Variants in LYN observed in about 807,000 individuals in gnomAD.
LYN encodes tyrosine-protein kinase Lyn.
LYN carries 12 observed loss-of-function variants against 65.0 expected under a neutral mutation model. The ratio of observed to expected loss-of-function variants is 0.18; its 90% CI spans 0.12 to 0.30. The LOEUF (loss-of-function observed/expected upper bound fraction) is 0.30. LYN is among the 10% of genes least tolerant of loss of function. The pLI is 1.00. For missense variants in LYN, 380 were observed against 623.2 expected, an observed-to-expected ratio of 0.61 and a Z score of 4.16; for synonymous variants, 222 against 221.2, an observed-to-expected ratio of 1.00 and a Z score of -0.03.
At chr8:55,946,777 G>A (rs1439394107) in intron 3 of LYN, among the ~76,000 whole-genome samples, 1 of 151,920 alleles carries the variant, frequency 6.6e-6, no homozygotes, top group Non-Finnish European at 1.5e-5. Flanking sequence ...GGCAACCTCC[G>A]CTCTTTCTGT....
At chr8:55,910,206 C>T (rs1805560484) in intron 1 of LYN, among the ~76,000 whole-genome samples, 1 of 152,068 alleles carries the variant, frequency 6.6e-6, no homozygotes, top group African/African-American at 2.4e-5. Flanking sequence ...AGGTCTTAGT[C>T]ATGAATTCTT....
chr8:55,947,707 A>T lies in LYN; in HGVS notation c.268A>T (p.Met90Leu). The change falls in exon 4 of 13, where the codon ATG (methionine) becomes TTG (leucine). Residue 90 changes from methionine (M) to leucine (L), a missense_variant. Transcript: ENST00000519728. ...DDLSFKKGEKMKVLEEHGEWW... is the reference protein window; with the variant it reads ...DDLSFKKGEKLKVLEEHGEWW... ...CTTGTCTTTCAAGAAAGGAGAGAAG[A>T]TGAAAGTCCTGGAGGAGTAAGTGCT... 1.9e-6 allele frequency: 3 copies of T among 1,613,582 alleles called. No homozygotes were observed. Among genetic ancestry groups the T allele is most frequent in the Admixed American group, 1.7e-5 (1 of 60,018 alleles).
At chr8:55,915,041 A>G (rs1392223312) in intron 1 of LYN, among the ~76,000 whole-genome samples, 1 of 152,216 alleles carries the variant, frequency 6.6e-6, no homozygotes, top group African/African-American at 2.4e-5. Context: ...TTAAAACGTT[A>G]CATTTTATAA....
chr8:55,903,376 G>A (rs1387152483), intron 1 of LYN, among the ~76,000 whole-genome samples: 1 of 152,248 alleles, frequency 6.6e-6, no homozygotes, highest in Non-Finnish European at 1.5e-5. Context: ...AAAGAACAGA[G>A]AGATTCCAGT....
chr8:55,994,127 A>G (rs1360897321), intron 10 of LYN, among the ~76,000 whole-genome samples: 2 of 152,216 alleles, frequency 1.3e-5, no homozygotes, highest in Non-Finnish European at 2.9e-5. Flanking sequence ...ACCTTCAACA[A>G]CAACAAATTA....
At chr8:55,988,692 A>G (rs1181413842) in intron 10 of LYN, among the ~76,000 whole-genome samples, 7 of 152,080 alleles carry the variant, frequency 4.6e-5, no homozygotes, top group African/African-American at 1.4e-4. Flanking sequence ...CTAGATGACA[A>G]ATGTTTTCCA....
intron 10 of LYN, among the ~76,000 whole-genome samples, chr8:55,973,365 C>T (rs1807663157): frequency 6.6e-6 from 1 of 152,236 alleles, no homozygotes; most frequent in Non-Finnish European, 1.5e-5. Context: ...GAAATCCTGA[C>T]TACAGCAGCT....
chr8:56,010,586 A>T lies in LYN; in HGVS notation c.*476A>T. ...GCTTACTTGTTTAAAAAAAAAAAAA[A>T]ACTAATCCAACCTGTTAGATTTTGC... On this transcript the variant is annotated 3_prime_UTR_variant, in exon 13 of 13. Coordinates refer to ENST00000519728, the MANE Select transcript of LYN (RefSeq NM_002350.4). The T allele has an allele frequency of 4.3e-6, 1 of 232,784 alleles. No homozygotes were observed. The highest frequency in any genetic ancestry group is 8.5e-6 in the Non-Finnish European group (1 of 117,494). 14.4% of individuals were successfully genotyped at this position (232,784 alleles called of 1,614,324 possible).
At chr8:55,905,859 G>A (rs930991451) in intron 1 of LYN, among the ~76,000 whole-genome samples, 2 of 152,136 alleles carry the variant, frequency 1.3e-5, no homozygotes, top group Non-Finnish European at 2.9e-5. Context: ...CATGCAAAGA[G>A]CCCGCTCCTC....
intron 9 of LYN, among the ~76,000 whole-genome samples, chr8:55,967,693 A>C (rs1807502904): frequency 6.6e-6 from 1 of 152,172 alleles, no homozygotes; most frequent in Admixed American, 6.5e-5. Flanking sequence ...TTAAATATTA[A>C]TGTTTTTTAA....
At chr8:55,933,434 A>C (rs1055681176) in intron 1 of LYN, among the ~76,000 whole-genome samples, 1 of 152,184 alleles carries the variant, frequency 6.6e-6, no homozygotes, top group African/African-American at 2.4e-5. Flanking sequence ...TCTTGTATAG[A>C]ACTTTGTGTA....
intron 10 of LYN, among the ~76,000 whole-genome samples, chr8:55,985,343 A>C (rs537178823): frequency 3.9e-4 from 60 of 152,332 alleles, no homozygotes; most frequent in African/African-American, 1.2e-3. Flanking sequence ...AGGTAAAGGA[A>C]AATGCAGGAG....
At chr8:55,886,450 G>T (rs1804798106) in intron 1 of LYN, among the ~76,000 whole-genome samples, 1 of 152,042 alleles carries the variant, frequency 6.6e-6, no homozygotes, top group Non-Finnish European at 1.5e-5. Flanking sequence ...GTTTCATCAT[G>T]TTGGCCAGCC....
In LYN at chr8:55,944,529, G is replaced by A. The variant is rs543105331; in HGVS notation, c.133-1919G>A. Among the ~76,000 whole-genome samples the A allele has an allele frequency of 3.0e-4, 45 of 152,278 alleles. No homozygotes were observed. In the South Asian group the frequency reaches 8.9e-3, roughly 30 times the overall value. On this transcript the variant is annotated intron_variant, in intron 2 of 12. Coordinates refer to ENST00000519728, the MANE Select transcript of LYN (RefSeq NM_002350.4). ...GAGATTTGCTCTTGTTGCCCAGGCT[G>A]GAGTGCAATGGCACCATCTCAGCTC...
At chr8:55,982,535 C>T (rs185470300) in intron 10 of LYN, among the ~76,000 whole-genome samples, 1 of 152,166 alleles carries the variant, frequency 6.6e-6, no homozygotes, top group Non-Finnish European at 1.5e-5. Flanking sequence ...CTACCTCCCC[C>T]ACCCAGGACC....
intron 10 of LYN, among the ~76,000 whole-genome samples, chr8:55,995,000 C>T (rs1047030835): frequency 2.6e-5 from 4 of 152,196 alleles, no homozygotes; most frequent in African/African-American, 9.7e-5. Flanking sequence ...TCCACTTTTC[C>T]CAGTTTTACT....
At chr8:55,931,707 T>G (rs775985657) in intron 1 of LYN, among the ~76,000 whole-genome samples, 2 of 152,104 alleles carry the variant, frequency 1.3e-5, no homozygotes, top group Non-Finnish European at 2.9e-5. Flanking sequence ...TGTATTAAAA[T>G]TTAATAGTCA....
chr8:55,893,135 G>T (rs1434785543), intron 1 of LYN, among the ~76,000 whole-genome samples: 1 of 152,186 alleles, frequency 6.6e-6, no homozygotes, highest in Non-Finnish European at 1.5e-5. Context: ...AATTCAACTG[G>T]AGAGCAAGAC....
At chr8:55,975,916 G>T (rs527330460) in intron 10 of LYN, among the ~76,000 whole-genome samples, 14 of 151,632 alleles carry the variant, frequency 9.2e-5, no homozygotes, top group African/African-American at 3.2e-4. Context: ...CTTTAAATTT[G>T]ATTGGGAAGC....
Sources: allele counts gnomAD v4.1 joint callset (sites outside exome capture counted in the v4.1 genomes callset), GRCh38; gene constraint gnomAD v4.1.1; transcripts MANE v1.5; gene names NCBI Gene and HGNC (gene_info 2026-07-23, HGNC 2026-07-21).